The following RGS6 variants were observed in gnomAD, a reference collection of about 807,000 sequenced individuals.
RGS6 encodes regulator of G protein signaling 6.
In RGS6, 30 loss-of-function variants were observed where a neutral mutation model predicts 78.5. That is an observed-to-expected ratio of 0.38 (90% CI 0.29 to 0.52). The LOEUF is 0.52. Ranked by LOEUF, RGS6 falls within the 20% of genes least tolerant of loss-of-function variation. RGS6 has a pLI of 0.85. For synonymous variants in RGS6, 206 were observed against 206.0 expected (o/e 1.00, Z 0.00); for missense variants, 495 against 609.7 (o/e 0.81, Z 1.98).
chr14:72,331,861 G>C (rs572102043), intron 2 of RGS6, among the ~76,000 whole-genome samples: 1 of 152,238 alleles, frequency 6.6e-6, no homozygotes, highest in African/African-American at 2.4e-5. Flanking sequence ...TTCTTTTACA[G>C]TTCATGTCTG....
the RGS6 span, among the ~76,000 whole-genome samples, chr14:72,581,956 C>T: frequency 6.6e-6 from 1 of 152,194 alleles, no homozygotes; most frequent in Non-Finnish European, 1.5e-5. Flanking sequence ...CTGGTGGGAG[C>T]TTTCCTGCTG....
At chr14:72,615,704 AG>A in the RGS6 span, among the ~76,000 whole-genome samples, 134 of 152,352 alleles carry the variant, frequency 8.8e-4, 1 homozygote, top group African/African-American at 3.1e-3. Context: ...GGACAGGAGC[AG>A]GGGAGCCTTG....
At chr14:72,273,140 AAAAG>A (rs905726732) in intron 2 of RGS6, among the ~76,000 whole-genome samples, 9 of 152,008 alleles carry the variant, frequency 5.9e-5, no homozygotes, top group Admixed American at 5.9e-4. Context: ...CTCAAAAAAA[AAAAG>A]AAAGAAAGAA....
intron 2 of RGS6, among the ~76,000 whole-genome samples, chr14:72,043,699 T>G (rs1201514229): frequency 6.6e-6 from 1 of 152,198 alleles, no homozygotes; most frequent in Non-Finnish European, 1.5e-5. Context: ...ATAGCCCAGG[T>G]GTAGGTATTT....
chr14:72,249,003 G>A (rs188585554), intron 2 of RGS6, among the ~76,000 whole-genome samples: 2 of 152,090 alleles, frequency 1.3e-5, no homozygotes, highest in Non-Finnish European at 2.9e-5. Context: ...TTCTGTAGGG[G>A]GAAAAAAATA....
At chr14:71,981,047 A>G (rs1320986674) in intron 2 of RGS6, among the ~76,000 whole-genome samples, 1 of 147,630 alleles carries the variant, frequency 6.8e-6, no homozygotes, top group Non-Finnish European at 1.5e-5. Flanking sequence ...CTTCCAGTTG[A>G]TCGCATCGGC....
intron 3 of RGS6, among the ~76,000 whole-genome samples, chr14:72,444,112 G>A (rs938067213): frequency 2.0e-5 from 3 of 152,038 alleles, no homozygotes; most frequent in Non-Finnish European, 2.9e-5. Flanking sequence ...TCATGTACTC[G>A]GCTGCTGACA....
intron 3 of RGS6, among the ~76,000 whole-genome samples, chr14:72,422,096 C>A (rs1447804018): frequency 6.6e-6 from 1 of 152,162 alleles, no homozygotes; most frequent in African/African-American, 2.4e-5. Context: ...GGTTCCCCTG[C>A]ACAAGCTCTC....
chr14:72,538,806 C>T (rs1330322229), intron 16 of RGS6, among the ~76,000 whole-genome samples: 1 of 152,258 alleles, frequency 6.6e-6, no homozygotes, highest in Non-Finnish European at 1.5e-5. Flanking sequence ...TCTGCAACCT[C>T]ATATCTGTCT....
rs1416206930 is a variant in RGS6, at chr14:72,510,272, A to T, written c.1084A>T (p.Asn362Tyr). The change falls in exon 14 of 18, where the codon AAC becomes TAC. Residue 362 changes from asparagine (N) to tyrosine (Y), a missense_variant. Transcript: ENST00000553525. The part of the protein sequence containing the change: ...RFLESEFSSE[N>Y]LRFWLAVQDL... ...CCTGGAGTCCGAATTCAGTTCAGAA[A>T]ACCTCAGGTAAATCTCTCAAAGTTT... is the stretch of plus-strand genomic sequence containing the variant. The T allele has an allele frequency of 6.2e-7, 1 of 1,614,162 alleles. No homozygotes were observed. The highest frequency in any genetic ancestry group is 8.5e-7 in the Non-Finnish European group (1 of 1,180,030).
rs2096983190 is a variant in RGS6 at position 72,518,419 on chromosome 14, T to C, written c.1160T>C (p.Ile387Thr). 1 of 1,614,034 alleles carries C rather than the reference T, an allele frequency of 6.2e-7. No individual in the cohort carries two copies. ...LQDVAKRVEE[I>T]WQEFLAPGAP... is the part of the protein sequence containing the mutation. The stretch of plus-strand genomic sequence containing the variant: ...GATGTGGCCAAGAGGGTAGAAGAAA[T>C]CTGGCAAGAGTTTCTGGCTCCAGGG... Residue 387 changes from isoleucine (I) to threonine (T), a missense_variant, in exon 15 of 18, where the codon ATC becomes ACC. Ile to Thr is a moderately conservative substitution (Grantham distance 89). Transcript: ENST00000553525.
the RGS6 span, among the ~76,000 whole-genome samples, chr14:72,575,926 G>A: frequency 5.9e-5 from 9 of 152,300 alleles, no homozygotes; most frequent in Middle Eastern, 3.4e-3. Flanking sequence ...CATCCCACCC[G>A]TCCTTCCTAA....
chr14:72,140,511 T>C lies in RGS6; in HGVS notation c.84+175636T>C, dbSNP rs576317100. On this transcript the variant is annotated intron_variant, in intron 2 of 17. Transcript: ENST00000553525. ...GGACTCAGCAAGCCATGCTATTTAC[T>C]GTCATCTTAGAGGGCTAGGTAGGGT... Among the ~76,000 whole-genome samples, 6 of 152,286 alleles carry C rather than the reference T, an allele frequency of 3.9e-5. No individual in the cohort carries two copies. In the South Asian group the frequency reaches 1.2e-3, roughly 32 times the overall value.
At chr14:72,129,666 T>C (rs1479016749) in intron 2 of RGS6, among the ~76,000 whole-genome samples, 2 of 152,190 alleles carry the variant, frequency 1.3e-5, no homozygotes, top group Non-Finnish European at 2.9e-5. Context: ...CTCTGCTCTT[T>C]GTGTGGCTTT....
intron 2 of RGS6, among the ~76,000 whole-genome samples, chr14:72,350,375 G>A (rs889919797): frequency 2.6e-5 from 4 of 152,254 alleles, no homozygotes; most frequent in South Asian, 2.1e-4. Flanking sequence ...GTGACCCTGC[G>A]AAAGTTGCAA....
At chr14:72,388,974 T>C (rs1172789130) in intron 3 of RGS6, among the ~76,000 whole-genome samples, 1 of 152,194 alleles carries the variant, frequency 6.6e-6, no homozygotes, top group East Asian at 1.9e-4. Flanking sequence ...AGTAGTATTG[T>C]TACTGTGATG....
At chr14:71,969,355 G>C (rs933063390) in intron 2 of RGS6, among the ~76,000 whole-genome samples, 15 of 152,278 alleles carry the variant, frequency 9.9e-5, no homozygotes, top group African/African-American at 2.9e-4. Context: ...GTTGCTTTCT[G>C]ATTTTGTTTG....
intron 2 of RGS6, among the ~76,000 whole-genome samples, chr14:72,143,427 T>G (rs2096567651): frequency 6.6e-6 from 1 of 152,142 alleles, no homozygotes; most frequent in Non-Finnish European, 1.5e-5. Flanking sequence ...CACCCTACAC[T>G]CCATTTACCT....
At chr14:72,505,725 C>G (rs1212838391) in intron 13 of RGS6, among the ~76,000 whole-genome samples, 1 of 152,210 alleles carries the variant, frequency 6.6e-6, no homozygotes, top group Non-Finnish European at 1.5e-5. Flanking sequence ...CTTGGACAAT[C>G]TGACCTCTTT....
Sources: gnomAD v4.1 joint callset for allele counts (sites outside exome capture counted in the v4.1 genomes callset) on GRCh38, gnomAD v4.1.1 for gene constraint, MANE v1.5 for transcripts, NCBI Gene and HGNC (gene_info 2026-07-23, HGNC 2026-07-21) for gene names.